Variants in MEF2C observed in about 807,000 individuals in gnomAD.
MEF2C encodes the protein myocyte enhancer factor 2C, also known as myocyte-specific enhancer factor 2C.
In MEF2C, 6 loss-of-function variants were observed where a neutral mutation model predicts 50.5. The observed-to-expected ratio is 0.12, with a 90% CI of 0.07 to 0.23. The LOEUF (loss-of-function observed/expected upper bound fraction) is 0.23, where lower values mean the gene tolerates loss of function less well. Ranked by LOEUF, MEF2C falls within the 10% of genes least tolerant of loss-of-function variation. MEF2C has a pLI of 1.00. For synonymous variants in MEF2C, 183 were observed against 228.0 expected, an observed-to-expected ratio of 0.80 and a Z score of 1.78; for missense variants, 276 against 605.0, an observed-to-expected ratio of 0.46 and a Z score of 5.70.
rs542813444 is a variant in MEF2C, at chr5:88,733,161, A to G, written c.638-1260T>C. 942 of 985,324 alleles carry G rather than the reference A, an allele frequency of 9.6e-4. 6 individuals carry two copies. In the South Asian group the frequency reaches 0.013, roughly 14 times the overall value. The allele number at this position is 985,324 out of a possible 1,614,324, so 61.0% of individuals were successfully genotyped here. On this transcript the variant is annotated intron_variant, in intron 6 of 10. Coordinates refer to ENST00000504921, the MANE Select transcript of MEF2C (RefSeq NM_002397.5). ...GAAGAGGTGATCCAATAAAAGATTC[A>G]CAGAAGAGGCAGGAATTGATGAGGG...
chr5:88,899,461 A>G (rs976208245), intron 1 of MEF2C, among the ~76,000 whole-genome samples: 1 of 152,196 alleles, frequency 6.6e-6, no homozygotes, highest in African/African-American at 2.4e-5. Context: ...CAAAATGGCC[A>G]AAAAGGCCCA....
At chr5:88,732,159 T>C (rs559338857) in intron 6 of MEF2C, among the ~76,000 whole-genome samples, 82 of 152,252 alleles carry the variant, frequency 5.4e-4, no homozygotes, top group Middle Eastern at 3.4e-3. Context: ...ATACTTTTTT[T>C]CCTATCAAAA....
chr5:88,764,216 T>C (rs1029070343), intron 3 of MEF2C, among the ~76,000 whole-genome samples: 8 of 152,318 alleles, frequency 5.3e-5, no homozygotes, highest in African/African-American at 1.4e-4. Flanking sequence ...GATATTGTGT[T>C]TGGTTTATAA....
chr5:88,822,475 C>T (rs1416670189), intron 2 of MEF2C, among the ~76,000 whole-genome samples: 1 of 151,982 alleles, frequency 6.6e-6, no homozygotes, highest in Non-Finnish European at 1.5e-5. Flanking sequence ...TCTAGCTAAA[C>T]ATGCAGCCAA....
chr5:88,839,619 G>T (rs1264734074), intron 1 of MEF2C: 4 of 152,108 alleles, frequency 2.6e-5, no homozygotes, highest in African/African-American at 9.7e-5. Flanking sequence ...CCAGTAATAA[G>T]TGTTCTGAAA....
chr5:88,875,377 G>A (rs749699248), intron 1 of MEF2C, among the ~76,000 whole-genome samples: 7 of 151,930 alleles, frequency 4.6e-5, no homozygotes, highest in African/African-American at 1.7e-4. Flanking sequence ...GTGGTGGAAC[G>A]TTGCTATTTC....
At position 88,761,081 on chromosome 5, in the gene MEF2C, G is replaced by A. The variant is rs569860731; in HGVS notation, c.402+104C>T. The A allele has an allele frequency of 4.8e-5, 78 of 1,613,866 alleles. No individual in the cohort carries two copies. Among genetic ancestry groups the A allele is most frequent in the African/African-American group, 4.0e-4 (30 of 75,008 alleles). On this transcript the variant is annotated intron_variant, in intron 4 of 10. Coordinates refer to ENST00000504921, the MANE Select transcript of MEF2C (RefSeq NM_002397.5). ...GTGGGGTGAGTGCATAAGAGGAGTC[G>A]GGATCGGGGCTTTCACAGCCTTTGT...
At chr5:88,749,347 A>C in intron 5 of MEF2C, 1 of 984,394 alleles carries the variant, frequency 1.0e-6, no homozygotes, top group Non-Finnish European at 1.2e-6. Flanking sequence ...AGAAAGTTAC[A>C]TTTAAAAAAA....
intron 2 of MEF2C, among the ~76,000 whole-genome samples, chr5:88,809,953 A>G (rs1802081871): frequency 6.6e-6 from 1 of 152,146 alleles, no homozygotes; most frequent in Non-Finnish European, 1.5e-5. Context: ...ACAAATCTTT[A>G]TTATGAGACT....
chr5:88,734,577 T>TTTTTTTTG, intron 6 of MEF2C: 2 of 922,012 alleles, frequency 2.2e-6, no homozygotes, highest in Non-Finnish European at 2.6e-6. Context: ...TTTTTTTTTT[T>TTTTTTTTG]TTTTTTTTTT....
At chr5:88,900,269 T>G (rs1165632169) in intron 1 of MEF2C, among the ~76,000 whole-genome samples, 1 of 151,798 alleles carries the variant, frequency 6.6e-6, no homozygotes, top group African/African-American at 2.4e-5. Flanking sequence ...TTGGAATTAA[T>G]ATAAGATAGT....
intron 6 of MEF2C, chr5:88,738,175 A>G (rs960725367): frequency 5.1e-5 from 50 of 985,142 alleles, no homozygotes; most frequent in Non-Finnish European, 5.8e-5. Flanking sequence ...AGTTTTCTCA[A>G]TAGAAGTATT....
chr5:88,835,510 G>A (rs1488843775), intron 1 of MEF2C, among the ~76,000 whole-genome samples: 4 of 151,932 alleles, frequency 2.6e-5, no homozygotes, highest in African/African-American at 4.8e-5. Context: ...AAATGAAAGC[G>A]TTTTTAAGAA....
intron 3 of MEF2C, chr5:88,772,864 A>T (rs1380309931): frequency 2.0e-6 from 2 of 985,326 alleles, no homozygotes; most frequent in African/African-American, 3.5e-5. Flanking sequence ...TCCCCAGTTA[A>T]TATGCCCTGT....
intron 1 of MEF2C, among the ~76,000 whole-genome samples, chr5:88,862,399 A>T (rs930017157): frequency 2.6e-5 from 4 of 152,298 alleles, no homozygotes; most frequent in Middle Eastern, 3.4e-3. Context: ...TACGTGTCTT[A>T]TAAGATCATG....
In MEF2C at chr5:88,739,601, GA is replaced by G. The variant is rs938051522; in HGVS notation, c.638-7701del. The stretch of plus-strand genomic sequence containing the variant: ...CCCTACTCTACTGGAAGTGACAGTT[GA>G]AAAAAAAATTAGTGGAAAAATATGA... On this transcript the variant is annotated intron_variant, in intron 6 of 10. Coordinates refer to ENST00000504921, the MANE Select transcript of MEF2C (RefSeq NM_002397.5). 20 of 981,802 alleles carry G rather than the reference GA, an allele frequency of 2.0e-5. No individual in the cohort carries two copies. The Admixed American group carries it at 2.5e-4, about 12-fold the overall frequency. The allele number at this position is 981,802 out of a possible 1,614,324, so 60.8% of individuals were successfully genotyped here.
intron 3 of MEF2C, among the ~76,000 whole-genome samples, chr5:88,774,479 C>A (rs981739911): frequency 2.0e-5 from 3 of 151,968 alleles, no homozygotes; most frequent in African/African-American, 4.8e-5. Flanking sequence ...CCCGCCACCA[C>A]GCCAGGTTAA....
At chr5:88,875,068 A>T (rs892221714) in intron 1 of MEF2C, among the ~76,000 whole-genome samples, 2 of 151,992 alleles carry the variant, frequency 1.3e-5, no homozygotes, top group African/African-American at 2.4e-5. Flanking sequence ...AACAGTTGAA[A>T]ATGTAACTGG....
chr5:88,787,369 C>A (rs1791446335), intron 3 of MEF2C, among the ~76,000 whole-genome samples: 1 of 152,134 alleles, frequency 6.6e-6, no homozygotes, highest in Admixed American at 6.5e-5. Context: ...TAAGGGTTGA[C>A]AATGGGCTCT....
Sources: allele counts gnomAD v4.1 joint callset (sites outside exome capture counted in the v4.1 genomes callset), GRCh38; gene constraint gnomAD v4.1.1; transcripts MANE v1.5; gene names NCBI Gene and HGNC (gene_info 2026-07-23, HGNC 2026-07-21).